Variants in DNAH10 observed in about 807,000 individuals in gnomAD.
DNAH10 encodes dynein axonemal heavy chain 10.
Under a neutral mutation model 506.6 loss-of-function variants are expected in DNAH10, and 348 were observed. The ratio of observed to expected loss-of-function variants is 0.69; its 90% CI spans 0.63 to 0.75. The LOEUF is 0.75. Among genes scored for constraint, DNAH10 ranks in the 30% least tolerant of loss-of-function variants. The probability of loss-of-function intolerance (pLI) is 0.00; values close to 1 mark genes in which losing one functional copy is unlikely to be tolerated. For synonymous variants in DNAH10, 2,059 were observed against 2,198.6 expected (o/e 0.94, Z 1.78); for missense variants, 5,179 against 5,787.1 (o/e 0.89, Z 3.41).
chr12:123,925,245 T>C lies in DNAH10; in HGVS notation c.11921+41T>C. On this transcript the variant is annotated intron_variant, in intron 68 of 78. Coordinates refer to ENST00000673944, the MANE Select transcript of DNAH10 (RefSeq NM_001372106.1). The surrounding 1 kb of genome is among the most constrained non-coding windows in gnomAD (Gnocchi z 4.0). ...TGTTGATTTGCCACTTTCCGTGGGG[T>C]GGAATCTCTAGCGTCCTCCCACCTT... 6.2e-7 allele frequency: 1 copy of C among 1,612,396 alleles called. No individual in the cohort carries two copies. Among genetic ancestry groups the C allele is most frequent in the Non-Finnish European group, 8.5e-7 (1 of 1,178,662 alleles).
intron 25 of DNAH10, among the ~76,000 whole-genome samples, chr12:123,828,020 C>A (rs779903797): frequency 3.3e-5 from 5 of 152,110 alleles, no homozygotes; most frequent in African/African-American, 1.2e-4. Flanking sequence ...CCTGTCTCAT[C>A]ATTTTTGTCA....
chr12:123,762,597 G>A lies in DNAH10; in HGVS notation c.214+47G>A. The A allele has an allele frequency of 6.6e-7, 1 of 1,508,792 alleles. No homozygotes were observed. The highest frequency in any genetic ancestry group is 8.9e-7 in the Non-Finnish European group (1 of 1,127,918). The allele number at this position is 1,508,792 out of a possible 1,614,324, so 93.5% of individuals were successfully genotyped here. A position where few individuals can be genotyped will look rare whatever the true frequency, so the allele number is the denominator to read the frequency against. ...CCTTCCCCGGGCTTCCCTCCTGCCC[G>A]TCCCGGCCTCTCCGGCGGGCGCCGG... On this transcript the variant is annotated intron_variant, in intron 1 of 78. Transcript: ENST00000673944. This position sits in a 1 kb window ranked among gnomAD's most constrained non-coding sequence, Gnocchi z 5.0.
rs1954887364 is a variant in DNAH10 at position 123,925,159 on chromosome 12, T to C, written c.11876T>C (p.Val3959Ala). The C allele has an allele frequency of 1.2e-6, 2 of 1,613,270 alleles. No individual in the cohort carries two copies. The highest frequency in any genetic ancestry group is 1.7e-6 in the Non-Finnish European group (2 of 1,179,690). Residue 3959 changes from valine (V) to alanine (A), a missense_variant, in exon 68 of 79, where the codon GTC (valine) becomes GCC (alanine). Transcript: ENST00000673944. The surrounding 1 kb of genome is among the most constrained non-coding windows in gnomAD (Gnocchi z 4.0). ...TTGCGCTGTTTCCGTGTGGATCGGG[T>C]CTATCGGGCCGTGACTGACTATGTG... ...LILRCFRVDR[V>A]YRAVTDYVTV...
At position 123,917,780 on chromosome 12, in the gene DNAH10, C is replaced by T. The variant is rs778984678; in HGVS notation, c.11199C>T (p.His3733=). ...GNMLDNVDLV[H]TLEETKSKAT... Reference sequence around the variant, plus strand: ...TGCTGGACAATGTGGACCTGGTGCACACCCTGGAGGAGACCAAATCCAAGG... The same window carrying T: ...TGCTGGACAATGTGGACCTGGTGCATACCCTGGAGGAGACCAAATCCAAGG... The change falls in exon 64 of 79, where the codon CAC becomes CAT. Residue 3733 remains histidine (H), a synonymous_variant. Coordinates refer to ENST00000673944, the MANE Select transcript of DNAH10 (RefSeq NM_001372106.1). This position sits in a 1 kb window ranked among gnomAD's most constrained non-coding sequence, Gnocchi z 5.6. 3.8e-6 allele frequency: 6 copies of T among 1,575,632 alleles called. No homozygotes were observed. Among genetic ancestry groups the T allele is most frequent in the Admixed American group, 1.8e-5 (1 of 54,430 alleles).
In DNAH10 at chr12:123,864,632, G is replaced by T. The variant is rs1213292676; in HGVS notation, c.6946G>T (p.Val2316Leu). Reference protein sequence around the residue: ...LFDGDVDALWVENMNSVMDDN... With the variant: ...LFDGDVDALWLENMNSVMDDN... ...TGATGGTGATGTGGATGCTCTATGG[G>T]TGGAAAACATGAATTCTGTGATGGA... is the stretch of plus-strand genomic sequence containing the variant. The change falls in exon 40 of 79, where the codon GTG becomes TTG. Residue 2316 changes from valine to leucine, a missense_variant. This residue lies in a region of DNAH10 where 4,844 missense variants were observed against 5,430.5 expected (regional missense o/e 0.89). Transcript: ENST00000673944. The T allele has an allele frequency of 6.2e-7, 1 of 1,613,822 alleles. No homozygotes were observed. The highest frequency in any genetic ancestry group is 1.3e-5 in the African/African-American group (1 of 74,910).
At chr12:123,897,521 A>C (rs1365176463) in intron 54 of DNAH10, among the ~76,000 whole-genome samples, 1 of 152,138 alleles carries the variant, frequency 6.6e-6, no homozygotes, top group Admixed American at 6.5e-5. Flanking sequence ...CTCAGGAGTT[A>C]AGACCAGCCT....
chr12:123,765,340 T>C (rs1013174978), intron 1 of DNAH10, among the ~76,000 whole-genome samples: 3 of 152,172 alleles, frequency 2.0e-5, no homozygotes, highest in African/African-American at 7.2e-5. Context: ...ATAACACATG[T>C]TCTCTTATGA....
intron 76 of DNAH10, chr12:123,932,656 T>C (rs565089531): frequency 6.5e-6 from 1 of 153,828 alleles, no homozygotes; most frequent in Non-Finnish European, 1.4e-5. Flanking sequence ...GAAACCACAG[T>C]CTATGAGAGT....
rs993722979 is a variant in DNAH10, at chr12:123,902,876, C to A, written c.9641-63C>A. 6.6e-6 allele frequency: 10 copies of A among 1,507,182 alleles called. No individual in the cohort carries two copies. The African/African-American group carries it at 9.8e-5, about 15-fold the overall frequency. The allele number at this position is 1,507,182 out of a possible 1,614,324, so 93.4% of individuals were successfully genotyped here. Reference sequence around the variant, plus strand: ...TTTGAGGACTGCACTCTGCTCAGAGCCGGGGCCGCGAGTGCATCTCCTCTG... The same window carrying A: ...TTTGAGGACTGCACTCTGCTCAGAGACGGGGCCGCGAGTGCATCTCCTCTG... On this transcript the variant is annotated intron_variant, in intron 56 of 78. Transcript: ENST00000673944. This position sits in a 1 kb window ranked among gnomAD's most constrained non-coding sequence, Gnocchi z 4.5.
intron 62 of DNAH10, 129 bp downstream of exon 62, chr12:123,915,128 C>G (rs1954412965): frequency 7.7e-7 from 1 of 1,298,444 alleles, no homozygotes; most frequent in African/African-American, 1.5e-5. Flanking sequence ...CATCCTGACC[C>G]CCATGCGGAG....
At chr12:123,866,143 G>A in intron 41 of DNAH10, 70 bp downstream of exon 41, 4 of 1,329,032 alleles carry the variant, frequency 3.0e-6, no homozygotes, top group South Asian at 1.6e-5. Flanking sequence ...ATAGTCCAGA[G>A]GGATGTTTGT....
chr12:123,930,061 C>T (rs1357416650), intron 72 of DNAH10: 23 of 539,400 alleles, frequency 4.3e-5, no homozygotes, highest in Non-Finnish European at 6.2e-5. Context: ...GGTCTGCACA[C>T]GGCTCAGGCA....
At chr12:123,862,730 A>G (rs1951660259) in intron 39 of DNAH10, among the ~76,000 whole-genome samples, 1 of 152,176 alleles carries the variant, frequency 6.6e-6, no homozygotes, top group African/African-American at 2.4e-5. Context: ...GAGACTTTCT[A>G]TAGGGACAAC....
chr12:123,885,509 G>T (rs1325867357), intron 51 of DNAH10, among the ~76,000 whole-genome samples: 1 of 151,914 alleles, frequency 6.6e-6, no homozygotes, highest in Non-Finnish European at 1.5e-5. Context: ...TTAGAGATTG[G>T]TAAGTTGGCA....
rs182854223 is a variant in DNAH10, at chr12:123,871,836, G to A, written c.7785+234G>A. Among the ~76,000 whole-genome samples the A allele has an allele frequency of 1.3e-3, 193 of 152,338 alleles. 2 individuals are homozygous for A. The highest frequency in any genetic ancestry group is 9.1e-3 in the Admixed American group (139 of 15,306). ...CTGGAGGATCCTCATTTGAGATGAC[G>A]TTTCACATGGCTGGAGGCTGGAGGC... On this transcript the variant is annotated intron_variant, in intron 45 of 78. Coordinates refer to ENST00000673944, the MANE Select transcript of DNAH10 (RefSeq NM_001372106.1).
At chr12:123,934,005 G>C in intron 77 of DNAH10, 1 of 501,838 alleles carries the variant, frequency 2.0e-6, no homozygotes, top group Non-Finnish European at 3.5e-6. Flanking sequence ...TTGTCTTAGA[G>C]TTCTTTTAAC....
At chr12:123,844,008 A>G (rs1176826988) in intron 30 of DNAH10, among the ~76,000 whole-genome samples, 1 of 152,268 alleles carries the variant, frequency 6.6e-6, no homozygotes, top group Non-Finnish European at 1.5e-5. Flanking sequence ...GAAATACTCA[A>G]GACTGGGTAA....
At chr12:123,910,788 A>G in intron 59 of DNAH10, 116 bp downstream of exon 59, 1 of 1,357,920 alleles carries the variant, frequency 7.4e-7, no homozygotes, top group Non-Finnish European at 9.8e-7. Flanking sequence ...TTCAAGCTGC[A>G]TAAACTTTCC....
In DNAH10 at chr12:123,813,450, A is replaced by T. The variant is rs779174582; in HGVS notation, c.3431A>T (p.Gln1144Leu). The stretch of plus-strand genomic sequence containing the variant: ...TGTGTAGCATATGATGAAAAGTTGC[A>T]GTTCTATTCCAAGATAGCTTATGAG... Reference protein sequence around the residue: ...PPCVAYDEKLQFYSKIAYEVM... With the variant: ...PPCVAYDEKLLFYSKIAYEVM... Residue 1144 changes from glutamine (Q) to leucine (L), a missense_variant, in exon 20 of 79, where the codon CAG (glutamine) becomes CTG (leucine). Physicochemically the swap from Gln to Leu is moderately radical, Grantham distance 113 (BLOSUM62 -2). Coordinates refer to ENST00000673944, the MANE Select transcript of DNAH10 (RefSeq NM_001372106.1). The T allele has an allele frequency of 2.5e-6, 4 of 1,614,234 alleles. No individual in the cohort carries two copies. The highest frequency in any genetic ancestry group is 1.7e-5 in the Admixed American group (1 of 60,032).
Sources: gnomAD v4.1 joint callset for allele counts (sites outside exome capture counted in the v4.1 genomes callset) on GRCh38, gnomAD v4.1.1 for gene constraint, gnomAD v4.1.1 regional missense constraint, Gnocchi (gnomAD v3.1) non-coding constraint, MANE v1.5 for transcripts, NCBI Gene and HGNC (gene_info 2026-07-23, HGNC 2026-07-21) for gene names.